CRACDL: variants seen among roughly 807,000 people sequenced by gnomAD.
CRACDL encodes the protein CRACD-like protein.
Under a neutral mutation model 70.6 loss-of-function variants are expected in CRACDL, and 26 were observed. The observed-to-expected ratio is 0.37, with a 90% confidence interval of 0.27 to 0.51. The LOEUF (loss-of-function observed/expected upper bound fraction) is 0.51. Among genes scored for constraint, CRACDL ranks in the 20% least tolerant of loss-of-function variants. CRACDL has a pLI of 0.94. For missense variants in CRACDL, 1,283 were observed against 1,376.9 expected (o/e 0.93, Z 1.08); for synonymous variants, 618 against 615.2 (o/e 1.00, Z -0.07).
chr2:98,815,583 G>A (rs551578180), intron 7 of CRACDL, among the ~76,000 whole-genome samples: 14 of 152,270 alleles, frequency 9.2e-5, no homozygotes, highest in African/African-American at 2.6e-4. Flanking sequence ...GTGCTAATAC[G>A]GGGGTATAGC....
At chr2:98,849,904 C>T (rs1199080773) in intron 1 of CRACDL, among the ~76,000 whole-genome samples, 2 of 152,160 alleles carry the variant, frequency 1.3e-5, no homozygotes, top group African/African-American at 4.8e-5. Context: ...CAGTGCCAGG[C>T]CTCAGTATCC....
Position 98,809,191 on chromosome 2 carries a change from C to T in CRACDL, c.2417-11654G>A, listed in dbSNP as rs538287444. Among the ~76,000 whole-genome samples, 7 of 152,244 alleles carry T rather than the reference C, an allele frequency of 4.6e-5. No homozygotes were observed. The East Asian group carries it at 5.8e-4, about 13-fold the overall frequency. On this transcript the variant is annotated intron_variant, in intron 7 of 9. Coordinates refer to ENST00000397899, the MANE Select transcript of CRACDL (RefSeq NM_207362.3). ...TGAGTTGGGGCGGAGACTCCTTTCC[C>T]GAGGGCTGAGAGCTGGGGAAGAAGG...
chr2:98,803,759 C>T lies in CRACDL; in HGVS notation c.2417-6222G>A, dbSNP rs148975675. Among the ~76,000 whole-genome samples the T allele has an allele frequency of 4.8e-3, 737 of 152,308 alleles. 7 individuals carry two copies. Among genetic ancestry groups the T allele is most frequent in the African/African-American group, 0.017 (705 of 41,560 alleles). ...AAGTGGATCCATCATCGCCATTTCT[C>T]ACAGCCAGCTGTGCTAGAACAGTCA... On this transcript the variant is annotated intron_variant, in intron 7 of 9. Coordinates refer to ENST00000397899, the MANE Select transcript of CRACDL (RefSeq NM_207362.3).
At chr2:98,859,523 C>A (rs1002862042) in intron 1 of CRACDL, among the ~76,000 whole-genome samples, 1 of 152,094 alleles carries the variant, frequency 6.6e-6, no homozygotes, top group Admixed American at 6.5e-5. Context: ...AAAATCAATG[C>A]AATAAACCAT....
intron 1 of CRACDL, among the ~76,000 whole-genome samples, chr2:98,884,546 C>T (rs1033241585): frequency 6.6e-6 from 1 of 152,178 alleles, no homozygotes. Flanking sequence ...ATCCTATATA[C>T]ACAAAATTGT....
At chr2:98,870,448 T>G (rs1707299877) in intron 1 of CRACDL, among the ~76,000 whole-genome samples, 1 of 152,076 alleles carries the variant, frequency 6.6e-6, no homozygotes, top group East Asian at 1.9e-4. Context: ...AATCACGCAG[T>G]GCGCTGAAGG....
chr2:98,867,978 G>A (rs1707210221), intron 1 of CRACDL, among the ~76,000 whole-genome samples: 1 of 152,108 alleles, frequency 6.6e-6, no homozygotes, highest in Non-Finnish European at 1.5e-5. Flanking sequence ...TGTTTTTTCA[G>A]TAGGAAATAA....
chr2:98,925,602 C>T (rs889119714), intron 1 of CRACDL, among the ~76,000 whole-genome samples: 2 of 152,250 alleles, frequency 1.3e-5, no homozygotes, highest in African/African-American at 2.4e-5. Context: ...GAGGAACAAA[C>T]GCTGCATACA....
intron 1 of CRACDL, among the ~76,000 whole-genome samples, chr2:98,922,402 T>C (rs1377650422): frequency 7.2e-6 from 1 of 139,314 alleles, no homozygotes; most frequent in Non-Finnish European, 1.5e-5. Flanking sequence ...ATCCCGCTAC[T>C]GCACCCCAAC....
intron 5 of CRACDL, among the ~76,000 whole-genome samples, chr2:98,828,332 C>T (rs1254265378): frequency 6.6e-6 from 1 of 152,200 alleles, no homozygotes; most frequent in South Asian, 2.1e-4. Flanking sequence ...GCCTTCTATT[C>T]GAGCACGGTG....
At chr2:98,888,891 T>C (rs1707867968) in intron 1 of CRACDL, among the ~76,000 whole-genome samples, 1 of 151,914 alleles carries the variant, frequency 6.6e-6, no homozygotes, top group Non-Finnish European at 1.5e-5. Context: ...GCACTTTGGG[T>C]GGCCAAGGCA....
intron 5 of CRACDL, among the ~76,000 whole-genome samples, chr2:98,827,962 T>C (rs1304805411): frequency 6.6e-6 from 1 of 152,266 alleles, no homozygotes; most frequent in Non-Finnish European, 1.5e-5. Flanking sequence ...AGAAGGTCTC[T>C]GTGTGCTCAT....
intron 2 of CRACDL, among the ~76,000 whole-genome samples, chr2:98,839,789 T>G (rs567198985): frequency 6.6e-6 from 1 of 152,336 alleles, no homozygotes; most frequent in East Asian, 1.9e-4. Flanking sequence ...AATTTTCAAA[T>G]GTATTGGCAA....
chr2:98,925,949 G>C (rs147405066), intron 1 of CRACDL, among the ~76,000 whole-genome samples: 2 of 151,566 alleles, frequency 1.3e-5, no homozygotes, highest in African/African-American at 4.8e-5. Context: ...AGGAGGGAGA[G>C]GTTATGCATT....
chr2:98,807,165 T>C (rs1704340876), intron 7 of CRACDL, among the ~76,000 whole-genome samples: 1 of 152,148 alleles, frequency 6.6e-6, no homozygotes, highest in African/African-American at 2.4e-5. Flanking sequence ...TTGTCCAGGG[T>C]CCTTGGCCAA....
At position 98,822,868 on chromosome 2, in the gene CRACDL, C is replaced by G; in HGVS notation, c.1405G>C (p.Glu469Gln). The part of the protein sequence containing the change: ...EPEREAETEP[E>Q]RGAGTEPERI... The stretch of plus-strand genomic sequence containing the variant: ...TCGGGCTCGGTCCCCGCTCCTCTCT[C>G]GGGCTCCGTCTCCGCTTCTCTCTCG... Residue 469 changes from glutamate (E) to glutamine (Q), a missense_variant, in exon 7 of 10, where the codon GAG becomes CAG. Glu to Gln is a conservative substitution (Grantham distance 29). This residue lies in a region of CRACDL where 921 missense variants were observed against 881.9 expected (regional missense o/e 1.04). Transcript: ENST00000397899. The surrounding 1 kb of genome is among the most constrained non-coding windows in gnomAD (Gnocchi z 4.9). 1 of 1,466,084 alleles carries G rather than the reference C, an allele frequency of 6.8e-7. No homozygotes were observed. The highest frequency in any genetic ancestry group is 8.9e-7 in the Non-Finnish European group (1 of 1,119,242). The allele number at this position is 1,466,084 out of a possible 1,614,324, so 90.8% of individuals were successfully genotyped here.
At chr2:98,923,633 C>G (rs1244383015) in intron 1 of CRACDL, among the ~76,000 whole-genome samples, 1 of 152,144 alleles carries the variant, frequency 6.6e-6, no homozygotes. Flanking sequence ...TACTAGGTCA[C>G]ATATGTATAC....
intron 1 of CRACDL, among the ~76,000 whole-genome samples, chr2:98,866,059 C>T (rs1412449564): frequency 1.3e-5 from 2 of 151,932 alleles, no homozygotes; most frequent in African/African-American, 2.4e-5. Context: ...GAAAGGATAG[C>T]GAGGACAGAG....
At chr2:98,811,629 G>A (rs1204025616) in intron 7 of CRACDL, among the ~76,000 whole-genome samples, 2 of 150,912 alleles carry the variant, frequency 1.3e-5, no homozygotes, top group Non-Finnish European at 2.9e-5. Context: ...TATAACAACC[G>A]TCACAAACAG....
Sources: allele counts gnomAD v4.1 joint callset (sites outside exome capture counted in the v4.1 genomes callset), GRCh38; gene constraint gnomAD v4.1.1; regional missense constraint gnomAD v4.1.1; non-coding constraint Gnocchi (gnomAD v3.1); transcripts MANE v1.5; gene names NCBI Gene and HGNC (gene_info 2026-07-23, HGNC 2026-07-21).